ANK2: variants seen among roughly 807,000 people sequenced by gnomAD.
ANK2 encodes ankyrin-2.
Under a neutral mutation model 360.5 loss-of-function variants are expected in ANK2, and 83 were observed. The ratio of observed to expected loss-of-function variants is 0.23; its 90% CI spans 0.19 to 0.28. The LOEUF (loss-of-function observed/expected upper bound fraction) is 0.28, where lower values mean the gene tolerates loss of function less well. Among genes scored for constraint, ANK2 ranks in the 10% least tolerant of loss-of-function variants. The pLI is 1.00. For missense variants in ANK2, 4,201 were observed against 4,795.7 expected (o/e 0.88, Z 3.66); for synonymous variants, 1,740 against 1,759.5 (o/e 0.99, Z 0.28).
In ANK2 at chr4:113,353,207, G is replaced by C. The variant is rs1297587544; in HGVS notation, c.4589G>C (p.Gly1530Ala). 11 of 1,613,942 alleles carry C rather than the reference G, an allele frequency of 6.8e-6. No individual in the cohort carries two copies. The African/African-American group carries it at 8.0e-5, about 12-fold the overall frequency. Residue 1530 changes from glycine to alanine, a missense_variant, in exon 38 of 46, where the codon GGT becomes GCT. Physicochemically the swap from Gly to Ala is moderately conservative, Grantham distance 60. This residue lies in a region of ANK2 where 1,268 missense variants were observed against 1,650.8 expected (regional missense o/e 0.77). Coordinates refer to ENST00000357077, the MANE Select transcript of ANK2 (RefSeq NM_001148.6). ...ACCACAGATGTGTCTGATAAGGCAG[G>C]TTCTATTAAAGTGAAGGAGCTGGTG... Reference protein sequence around the residue: ...ILTTDVSDKAGSIKVKELVKA... With the variant: ...ILTTDVSDKAASIKVKELVKA...
At chr4:112,735,852 C>T in the ANK2 span, among the ~76,000 whole-genome samples, 1 of 152,136 alleles carries the variant, frequency 6.6e-6, no homozygotes, top group Non-Finnish European at 1.5e-5. Flanking sequence ...CCTCCTCATC[C>T]CAGCCCATGG....
chr4:113,240,418 C>A, intron 7 of ANK2, 67 bp from the exon 8 acceptor site: 1 of 1,228,468 alleles, frequency 8.1e-7, no homozygotes, highest in Non-Finnish European at 1.2e-6. Context: ...ACCTTCTTCA[C>A]TAATACAATG....
At chr4:113,051,837 A>G (rs2067177544) in intron 1 of ANK2, among the ~76,000 whole-genome samples, 1 of 152,208 alleles carries the variant, frequency 6.6e-6, no homozygotes, top group Admixed American at 6.5e-5. Context: ...TGAGGATTAG[A>G]AATAATGTAT....
At chr4:112,793,025 C>T in the ANK2 span, among the ~76,000 whole-genome samples, 1 of 151,960 alleles carries the variant, frequency 6.6e-6, no homozygotes, top group Non-Finnish European at 1.5e-5. Flanking sequence ...CAATTCCTTT[C>T]GATCCAAAAT....
chr4:112,746,928 C>T, the ANK2 span, among the ~76,000 whole-genome samples: 27 of 152,146 alleles, frequency 1.8e-4, no homozygotes, highest in African/African-American at 5.8e-4. Flanking sequence ...AGAACTAAGG[C>T]TGTATAACTG....
chr4:113,325,186 C>G (rs184662500), intron 26 of ANK2, among the ~76,000 whole-genome samples: 1 of 152,262 alleles, frequency 6.6e-6, no homozygotes, highest in African/African-American at 2.4e-5. Flanking sequence ...TTTGTATGTA[C>G]AGTCTTAAGT....
chr4:113,225,671 GTATAATTTCTTTGAAATGACT>G (rs1293221247), intron 4 of ANK2, among the ~76,000 whole-genome samples: 2 of 152,014 alleles, frequency 1.3e-5, no homozygotes, highest in African/African-American at 2.4e-5. Context: ...ATTTTTCTCT[GTATAATTTCTTTGAAATGACT>G]TATAAATATC....
chr4:112,948,064 C>A (rs933311279), intron 2 of ANK2, among the ~76,000 whole-genome samples: 2 of 152,224 alleles, frequency 1.3e-5, no homozygotes, highest in South Asian at 4.1e-4. Context: ...TGCAAACCCA[C>A]AATTATCACT....
intron 1 of ANK2, among the ~76,000 whole-genome samples, chr4:113,159,828 G>A (rs970140075): frequency 6.6e-6 from 1 of 151,562 alleles, no homozygotes; most frequent in South Asian, 2.1e-4. Context: ...CACTATGTTG[G>A]CCAGGCTGGT....
the ANK2 span, among the ~76,000 whole-genome samples, chr4:112,717,871 C>A: frequency 1.3e-5 from 2 of 152,110 alleles, no homozygotes; most frequent in Non-Finnish European, 2.9e-5. Context: ...GGATAAGAGA[C>A]CTTGTATGCC....
intron 1 of ANK2, among the ~76,000 whole-genome samples, chr4:113,095,854 C>T (rs962673491): frequency 6.6e-6 from 1 of 152,196 alleles, no homozygotes; most frequent in Non-Finnish European, 1.5e-5. Flanking sequence ...TGCAGGCTCT[C>T]ATCTGTGCTA....
the ANK2 span, among the ~76,000 whole-genome samples, chr4:112,713,274 G>T: frequency 1.3e-5 from 2 of 152,010 alleles, no homozygotes; most frequent in Non-Finnish European, 2.9e-5. Context: ...AAGAACATTT[G>T]GGTTGTTTCC....
At position 113,106,169 on chromosome 4, in the gene ANK2, A is replaced by G. The variant is rs530828673; in HGVS notation, c.84+56357A>G. On this transcript the variant is annotated intron_variant, in intron 1 of 45. Transcript: ENST00000357077. ...AAATATCCACTAAACACAAAAATAT[A>G]CACAGCAAATGTTAAAGTAGCCCTC... is the stretch of plus-strand genomic sequence containing the variant. Among the ~76,000 whole-genome samples, 6 of 152,302 alleles carry G rather than the reference A, an allele frequency of 3.9e-5. No homozygotes were observed. The East Asian group carries it at 7.7e-4, about 20-fold the overall frequency.
chr4:113,336,133 G>C, intron 30 of ANK2, 76 bp downstream of exon 30: 1 of 1,455,908 alleles, frequency 6.9e-7, no homozygotes. Context: ...GTCAAGGACT[G>C]TTACCTTTGT....
the ANK2 span, among the ~76,000 whole-genome samples, chr4:112,767,315 C>A: frequency 3.9e-4 from 59 of 151,952 alleles, no homozygotes; most frequent in African/African-American, 1.3e-3. Context: ...AATCCTAGAA[C>A]TTTGGGAGGC....
At chr4:113,057,940 A>C (rs954756725) in intron 1 of ANK2, among the ~76,000 whole-genome samples, 1 of 152,110 alleles carries the variant, frequency 6.6e-6, no homozygotes, top group Non-Finnish European at 1.5e-5. Flanking sequence ...AACATTACTA[A>C]GGTAGTCCAC....
intron 1 of ANK2, among the ~76,000 whole-genome samples, chr4:113,078,368 A>G (rs2080974578): frequency 6.6e-6 from 1 of 152,200 alleles, no homozygotes; most frequent in South Asian, 2.1e-4. Flanking sequence ...CAGAAGGCAG[A>G]GTTGCTGAGG....
At chr4:112,964,153 A>C (rs1248741378) in intron 2 of ANK2, among the ~76,000 whole-genome samples, 1 of 149,152 alleles carries the variant, frequency 6.7e-6, no homozygotes, top group East Asian at 1.9e-4. Context: ...AGATACTTTG[A>C]TACAGGCATG....
intron 13 of ANK2, among the ~76,000 whole-genome samples, chr4:113,262,409 A>G (rs1199516477): frequency 6.6e-6 from 1 of 151,976 alleles, no homozygotes; most frequent in African/African-American, 2.4e-5. Flanking sequence ...TTATTTATTT[A>G]TTTAGAGAAG....
Sources: gnomAD v4.1 joint callset for allele counts (sites outside exome capture counted in the v4.1 genomes callset) on GRCh38, gnomAD v4.1.1 for gene constraint, gnomAD v4.1.1 regional missense constraint, MANE v1.5 for transcripts, NCBI Gene and HGNC (gene_info 2026-07-23, HGNC 2026-07-21) for gene names.